LIPJ: variants seen among roughly 807,000 people sequenced by gnomAD.
LIPJ encodes the protein lipase family member J, also known as lipase member J.
Under a neutral mutation model 39.8 loss-of-function variants are expected in LIPJ, and 33 were observed. The observed-to-expected ratio is 0.83, with a 90% CI of 0.63 to 1.11. The LOEUF (loss-of-function observed/expected upper bound fraction) is 1.11, where lower values mean the gene tolerates loss of function less well. Among genes scored for constraint, LIPJ ranks in the 50% least tolerant of loss-of-function variants. LIPJ has a pLI of 0.00. For missense variants in LIPJ, 422 were observed against 427.9 expected, an observed-to-expected ratio of 0.99 and a Z score of 0.12; for synonymous variants, 128 against 139.2, an observed-to-expected ratio of 0.92 and a Z score of 0.57.
intron 8 of LIPJ, among the ~76,000 whole-genome samples, chr10:88,602,170 C>T (rs1308071016): frequency 6.6e-6 from 1 of 152,078 alleles, no homozygotes; most frequent in Admixed American, 6.6e-5. Flanking sequence ...TGACAAATAA[C>T]CTTAAACAAA....
At chr10:88,605,092 G>A (rs993141738) in intron 9 of LIPJ, among the ~76,000 whole-genome samples, 1 of 152,190 alleles carries the variant, frequency 6.6e-6, no homozygotes, top group Admixed American at 6.5e-5. Context: ...TATGTCAAGT[G>A]CTGCCAACGG....
chr10:88,614,604 G>A, the LIPJ span, among the ~76,000 whole-genome samples: 1 of 151,934 alleles, frequency 6.6e-6, no homozygotes, highest in Non-Finnish European at 1.5e-5. Context: ...TGAAGACTTG[G>A]TATTGTTGAT....
intron 3 of LIPJ, 73 bp downstream of exon 3, chr10:88,590,769 C>CT: frequency 8.8e-7 from 1 of 1,138,702 alleles, no homozygotes; most frequent in Non-Finnish European, 1.3e-6. Flanking sequence ...GGAATTTTAA[C>CT]TTAATAGATT....
chr10:88,596,865 C>G (rs1851272549), exon 8 of LIPJ: 3 of 1,597,204 alleles, frequency 1.9e-6, no homozygotes, highest in Non-Finnish European at 2.6e-6. Context: ...GTGTCCACTA[C>G]AGATTTTTGA....
intron 8 of LIPJ, among the ~76,000 whole-genome samples, chr10:88,601,750 A>AT (rs1325553415): frequency 2.0e-5 from 3 of 152,026 alleles, no homozygotes; most frequent in South Asian, 2.1e-4. Flanking sequence ...TCTTAAAATA[A>AT]TTTTTTTCAT....
chr10:88,602,619 C>T (rs1340699008), exon 9 of LIPJ: 1 of 1,361,742 alleles, frequency 7.3e-7, no homozygotes, highest in Non-Finnish European at 9.9e-7. Flanking sequence ...GCAGGAACAT[C>T]TGTTCAAAAT....
At chr10:88,601,661 T>G (rs75664031) in intron 8 of LIPJ, among the ~76,000 whole-genome samples, 5,252 of 152,286 alleles carry the variant, frequency 0.034, 134 homozygotes, top group Non-Finnish European at 0.048. Context: ...TGTCCTCTGG[T>G]GGTTGCTTTA....
At chr10:88,594,628 G>A (rs1481245642) in intron 5 of LIPJ, 39 bp from the exon 6 acceptor site, 3 of 1,004,962 alleles carry the variant, frequency 3.0e-6, no homozygotes, top group Non-Finnish European at 4.4e-6. Flanking sequence ...CATAACATTA[G>A]TAGAAAGTGC....
At chr10:88,594,832 A>T (rs11202781) in intron 6 of LIPJ, 56 bp downstream of exon 6, 1 of 834,022 alleles carries the variant, frequency 1.2e-6, no homozygotes. Flanking sequence ...AAGGTTGTGC[A>T]TATACTTCTT....
intron 9 of LIPJ, among the ~76,000 whole-genome samples, chr10:88,603,400 T>C (rs1338610245): frequency 1.3e-5 from 2 of 152,218 alleles, no homozygotes; most frequent in East Asian, 1.9e-4. Flanking sequence ...CACGTTTGTA[T>C]TTCCAAGGTC....
At chr10:88,613,460 G>T in the LIPJ span, among the ~76,000 whole-genome samples, 1 of 151,922 alleles carries the variant, frequency 6.6e-6, no homozygotes, top group East Asian at 1.9e-4. Context: ...GGTAAAAAGA[G>T]ATTGAGTTAT....
chr10:88,617,338 C>A, the LIPJ span, among the ~76,000 whole-genome samples: 3 of 152,052 alleles, frequency 2.0e-5, no homozygotes, highest in African/African-American at 2.4e-5. Context: ...TTTAAAAATT[C>A]TTTAAAAATT....
At chr10:88,592,081 T>C (rs1361524854) in intron 4 of LIPJ, 1 of 151,868 alleles carries the variant, frequency 6.6e-6, no homozygotes, top group Non-Finnish European at 1.5e-5. Flanking sequence ...AAGCCAAGTA[T>C]TTTCTCCTTA....
chr10:88,601,402 T>TAGGCA (rs1851472034), intron 8 of LIPJ, among the ~76,000 whole-genome samples: 2 of 151,966 alleles, frequency 1.3e-5, no homozygotes, highest in Non-Finnish European at 2.9e-5. Flanking sequence ...GTGCCCATTT[T>TAGGCA]TTGACTTTAG....
In LIPJ at chr10:88,594,057, A is replaced by T. The variant is rs139610837; in HGVS notation, c.242A>T (p.Asp81Val). Residue 81 changes from aspartate to valine, a missense_variant, in exon 5 of 11, where the codon GAT (aspartate) becomes GTT (valine). Coordinates refer to ENST00000371939, the Ensembl canonical transcript of LIPJ. ...TTCATTCTGGCAGATGCTGGTTATG[A>T]TGTGTGGATGGGAAATAGCAGAGGA... The T allele has an allele frequency of 8.0e-5, 129 of 1,612,166 alleles. 2 individuals carry two copies. The South Asian group carries it at 8.3e-4, about 10-fold the overall frequency.
At chr10:88,613,796 A>ATGTG in the LIPJ span, among the ~76,000 whole-genome samples, 3 of 51,548 alleles carry the variant, frequency 5.8e-5, no homozygotes, top group Admixed American at 2.0e-4. Context: ...ATATATATAT[A>ATGTG]TATATGTGTG....
At chr10:88,584,285 CA>C (rs1350766484), upstream of LIPJ, 1 of 151,692 alleles carries the variant, frequency 6.6e-6, no homozygotes, top group African/African-American at 2.4e-5. Context: ...ACTAAGAAGA[CA>C]TTTTTAAGCA....
intron 8 of LIPJ, among the ~76,000 whole-genome samples, chr10:88,599,688 T>TATACAC (rs767445582): frequency 3.3e-5 from 5 of 150,864 alleles, no homozygotes; most frequent in African/African-American, 9.7e-5. Flanking sequence ...CATACATATA[T>TATACAC]ACACACACAC....
upstream of LIPJ, chr10:88,583,992 A>C (rs567021080): frequency 6.6e-6 from 1 of 152,538 alleles, no homozygotes; most frequent in East Asian, 1.9e-4. Flanking sequence ...GTTCTCAATG[A>C]AACAACAAAG....
Sources: allele counts gnomAD v4.1 joint callset (sites outside exome capture counted in the v4.1 genomes callset), GRCh38; gene constraint gnomAD v4.1.1; transcripts MANE v1.5; gene names NCBI Gene and HGNC (gene_info 2026-07-23, HGNC 2026-07-21).